RPS6KA2: variants seen among roughly 807,000 people sequenced by gnomAD.
RPS6KA2 encodes the protein ribosomal protein S6 kinase alpha-2.
A neutral mutation model predicts 91.8 loss-of-function variants in RPS6KA2; 42 were observed. That is an observed-to-expected ratio of 0.46 (90% CI 0.36 to 0.59). RPS6KA2 has a LOEUF of 0.59. Among genes scored for constraint, RPS6KA2 ranks in the 20% least tolerant of loss-of-function variants. The probability of loss-of-function intolerance (pLI) is 0.00; values close to 1 mark genes in which losing one functional copy is unlikely to be tolerated. For synonymous variants in RPS6KA2, 414 were observed against 393.6 expected, an observed-to-expected ratio of 1.05 and a Z score of -0.61; for missense variants, 798 against 978.5, an observed-to-expected ratio of 0.82 and a Z score of 2.46.
intron 2 of RPS6KA2, among the ~76,000 whole-genome samples, chr6:166,758,899 T>G (rs530910992): frequency 2.6e-5 from 4 of 152,262 alleles, no homozygotes; most frequent in Admixed American, 1.3e-4. Flanking sequence ...CAGACAGAAA[T>G]AGTTGAAGTG....
intron 2 of RPS6KA2, among the ~76,000 whole-genome samples, chr6:166,816,372 C>A (rs1448255926): frequency 1.5e-5 from 2 of 137,058 alleles, no homozygotes. Context: ...ATGGTGAAAC[C>A]CCGTCTCTAC....
chr6:166,697,075 GTGTGTATTTGTA>G (rs958251859), intron 2 of RPS6KA2, among the ~76,000 whole-genome samples: 1 of 144,096 alleles, frequency 6.9e-6, no homozygotes, highest in Non-Finnish European at 1.5e-5. Context: ...GTGTGTGTGT[GTGTGTATTTGTA>G]TGTGTGTATA....
chr6:166,771,393 T>C (rs2345067), intron 2 of RPS6KA2, among the ~76,000 whole-genome samples: 80,626 of 152,004 alleles, frequency 0.53, 22,505 homozygotes, highest in East Asian at 0.83. Flanking sequence ...ATTCCAATCG[T>C]GCTTGGTCCA....
chr6:166,637,306 G>A (rs2128548302), intron 2 of RPS6KA2, among the ~76,000 whole-genome samples: 1 of 152,378 alleles, frequency 6.6e-6, no homozygotes, highest in South Asian at 2.1e-4. Context: ...GCCATGCGAA[G>A]TCCTCAGAGA....
Position 166,563,406 on chromosome 6 carries a change from G to T in RPS6KA2, c.100-24622C>A, listed in dbSNP as rs1366355014. Reference sequence around the variant, plus strand: ...CTCCTGGGCTCGCCGCCAGCGGTGGGATCCCTCTTCCTGCACAGAACCGCC... The same window carrying T: ...CTCCTGGGCTCGCCGCCAGCGGTGGTATCCCTCTTCCTGCACAGAACCGCC... On this transcript the variant is annotated intron_variant, in intron 1 of 20. Coordinates refer to ENST00000265678, the MANE Select transcript of RPS6KA2 (RefSeq NM_021135.6). This position sits in a 1 kb window ranked among gnomAD's most constrained non-coding sequence, Gnocchi z 4.1. Among the ~76,000 whole-genome samples the T allele has an allele frequency of 6.6e-6, 1 of 152,180 alleles. No homozygotes were observed. Among genetic ancestry groups the T allele is most frequent in the Non-Finnish European group, 1.5e-5 (1 of 68,026 alleles).
rs79910407 is a variant in RPS6KA2, at chr6:166,545,499, C to T, written c.100-6715G>A. On this transcript the variant is annotated intron_variant, in intron 1 of 20. Transcript: ENST00000265678. ...ATGTAAGGTTCCTAGAACACAGCAG[C>T]ACTGAGTGGACAGAGACTATGGGAA... 1.4e-3 allele frequency among the ~76,000 whole-genome samples: 220 copies of T among 152,298 alleles called. 1 individual carries two copies. The highest frequency in any genetic ancestry group is 2.3e-3 in the Non-Finnish European group (156 of 68,026).
intron 2 of RPS6KA2, among the ~76,000 whole-genome samples, chr6:166,690,857 C>T (rs1416651570): frequency 2.0e-5 from 3 of 152,116 alleles, no homozygotes; most frequent in Admixed American, 1.3e-4. Context: ...ACCACGGAGA[C>T]CCTGAACAGG....
chr6:166,460,601 A>G (rs1287143042), intron 11 of RPS6KA2: 1 of 152,340 alleles, frequency 6.6e-6, no homozygotes, highest in Admixed American at 6.5e-5. Flanking sequence ...CTGACGACAG[A>G]AGGCACGGGC....
chr6:166,792,735 C>T (rs1779124035), intron 2 of RPS6KA2, among the ~76,000 whole-genome samples: 2 of 152,210 alleles, frequency 1.3e-5, no homozygotes, highest in African/African-American at 4.8e-5. Flanking sequence ...ATCATATAAA[C>T]AGAACCAATG....
At chr6:166,625,272 T>G (rs1004551699) in intron 1 of RPS6KA2, among the ~76,000 whole-genome samples, 40 of 151,986 alleles carry the variant, frequency 2.6e-4, no homozygotes, top group African/African-American at 9.0e-4. Flanking sequence ...TATGTATGAC[T>G]TCTAGAAATT....
In RPS6KA2 at chr6:166,701,606, G is replaced by A. The variant is rs541252935; in HGVS notation, c.123+156594C>T. On this transcript the variant is annotated intron_variant, in intron 2 of 21. Transcript: ENST00000503859. ...ACTGATAGAGCCGGGATAAACAGAT[G>A]AACAGTCTCGGATTCTGATTGCTCA... 30 of 1,326,940 alleles carry A rather than the reference G, an allele frequency of 2.3e-5. No homozygotes were observed. The East Asian group carries it at 5.8e-4, about 26-fold the overall frequency. The allele number at this position is 1,326,940 out of a possible 1,614,324, so 82.2% of individuals were successfully genotyped here.
At chr6:166,833,733 G>C (rs1780244788) in intron 2 of RPS6KA2, among the ~76,000 whole-genome samples, 1 of 152,202 alleles carries the variant, frequency 6.6e-6, no homozygotes, top group South Asian at 2.1e-4. Context: ...CCCAAGTTTA[G>C]ACGCAGAACA....
chr6:166,503,430 A>G (rs1250496214), intron 6 of RPS6KA2, among the ~76,000 whole-genome samples: 2 of 152,220 alleles, frequency 1.3e-5, no homozygotes, highest in Non-Finnish European at 2.9e-5. Flanking sequence ...TCTCAGTTCC[A>G]TGCAGGTGAC....
Position 166,433,404 on chromosome 6 carries a change from G to A in RPS6KA2, c.1333-914C>T, listed in dbSNP as rs1779201741. Among the ~76,000 whole-genome samples the A allele has an allele frequency of 6.6e-6, 1 of 152,184 alleles. No individual in the cohort carries two copies. Among genetic ancestry groups the A allele is most frequent in the Non-Finnish European group, 1.5e-5 (1 of 68,040 alleles). ...GGTGTTGGGATTTAAGCCTACCTTG[G>A]AAACAGGAAGTCGCTGTTGGTCCCT... is the stretch of plus-strand genomic sequence containing the variant. On this transcript the variant is annotated intron_variant, in intron 14 of 20. Coordinates refer to ENST00000265678, the MANE Select transcript of RPS6KA2 (RefSeq NM_021135.6). This position sits in a 1 kb window ranked among gnomAD's most constrained non-coding sequence, Gnocchi z 4.4.
intron 2 of RPS6KA2, among the ~76,000 whole-genome samples, chr6:166,692,513 G>A (rs534264935): frequency 7.9e-5 from 12 of 152,022 alleles, no homozygotes; most frequent in Admixed American, 7.2e-4. Context: ...GCAAGCCAAA[G>A]TTTAAAGATA....
rs113666871 is a variant in RPS6KA2, at chr6:166,687,678, C to T, written c.124-148894G>A. On this transcript the variant is annotated intron_variant, in intron 2 of 21. Transcript: ENST00000503859. ...ATTTGCTCAGATGTGGCTTATTGAACTTTGATTTTCTGTGCTGAAGAGCAA... is the reference window on the plus strand; with the variant it reads ...ATTTGCTCAGATGTGGCTTATTGAATTTTGATTTTCTGTGCTGAAGAGCAA... Among the ~76,000 whole-genome samples the T allele has an allele frequency of 6.7e-3, 1,013 of 152,306 alleles. 20 individuals are homozygous for T. Among genetic ancestry groups the T allele is most frequent in the African/African-American group, 0.021 (881 of 41,564 alleles).
intron 2 of RPS6KA2, among the ~76,000 whole-genome samples, chr6:166,744,383 CGGG>C (rs1790916094): frequency 6.6e-6 from 1 of 152,110 alleles, no homozygotes; most frequent in African/African-American, 2.4e-5. Context: ...GACGCGGCCC[CGGG>C]CCCGGGGAGT....
intron 3 of RPS6KA2, among the ~76,000 whole-genome samples, chr6:166,512,583 T>C (rs1782507858): frequency 6.6e-6 from 1 of 152,218 alleles, no homozygotes; most frequent in African/African-American, 2.4e-5. Context: ...TCCACCTTTG[T>C]CTTTGGTGTT....
intron 19 of RPS6KA2, among the ~76,000 whole-genome samples, chr6:166,414,471 C>T (rs1583100008): frequency 6.6e-6 from 1 of 152,196 alleles, no homozygotes; most frequent in East Asian, 1.9e-4. Flanking sequence ...GTAAAAACCT[C>T]TAAAACAAGA....
Sources: gnomAD v4.1 joint callset for allele counts (sites outside exome capture counted in the v4.1 genomes callset) on GRCh38, gnomAD v4.1.1 for gene constraint, Gnocchi (gnomAD v3.1) non-coding constraint, MANE v1.5 for transcripts, NCBI Gene and HGNC (gene_info 2026-07-23, HGNC 2026-07-21) for gene names.